MYT1L: variants seen among roughly 807,000 people sequenced by gnomAD.
MYT1L encodes the protein myelin transcription factor 1-like protein.
A neutral mutation model predicts 126.7 loss-of-function variants in MYT1L; 12 were observed. The observed-to-expected ratio is 0.09, with a 90% CI of 0.06 to 0.15. The LOEUF is 0.15. Ranked by LOEUF, MYT1L falls within the 10% of genes least tolerant of loss-of-function variation. The probability of loss-of-function intolerance (pLI) is 1.00; values close to 1 mark genes in which losing one functional copy is unlikely to be tolerated. For missense variants in MYT1L, 979 were observed against 1,585.2 expected, an observed-to-expected ratio of 0.62 and a Z score of 6.49; for synonymous variants, 541 against 604.2, an observed-to-expected ratio of 0.90 and a Z score of 1.53.
At chr2:2,285,821 G>A (rs1181987844) in intron 1 of MYT1L, among the ~76,000 whole-genome samples, 3 of 152,184 alleles carry the variant, frequency 2.0e-5, no homozygotes, top group African/African-American at 7.2e-5. Flanking sequence ...ATTGGCTCAA[G>A]ATGCTGCCTA....
intron 5 of MYT1L, among the ~76,000 whole-genome samples, chr2:1,981,986 C>T (rs1307906284): frequency 6.6e-6 from 1 of 152,204 alleles, no homozygotes; most frequent in African/African-American, 2.4e-5. Flanking sequence ...CTGCCCTTTC[C>T]TGTGATTTAA....
intron 5 of MYT1L, among the ~76,000 whole-genome samples, chr2:1,994,252 C>T (rs1236579255): frequency 4.6e-5 from 7 of 152,214 alleles, no homozygotes. Flanking sequence ...TCACCAGGCT[C>T]AGCCCTGGTT....
Position 2,257,224 on chromosome 2 carries a change from C to G in MYT1L, c.-421+27180G>C, listed in dbSNP as rs2094839411. ...ATTAGTAGGACCCTCTGGATACCTC[C>G]TGTGGAGTGAAAATTAATTCAGGTG... is the stretch of plus-strand genomic sequence containing the variant. On this transcript the variant is annotated intron_variant, in intron 2 of 24. Coordinates refer to ENST00000647738, the MANE Select transcript of MYT1L (RefSeq NM_001303052.2). 2.6e-5 allele frequency among the ~76,000 whole-genome samples: 4 copies of G among 152,148 alleles called. No homozygotes were observed. In the South Asian group the frequency reaches 8.3e-4, roughly 32 times the overall value.
chr2:2,091,745 G>A, intron 3 of MYT1L, among the ~76,000 whole-genome samples: 1 of 152,152 alleles, frequency 6.6e-6, no homozygotes, highest in East Asian at 1.9e-4. Flanking sequence ...ATCTTACCTG[G>A]ATCTTCTGGA....
chr2:2,215,506 G>A (rs546604238), intron 2 of MYT1L, among the ~76,000 whole-genome samples: 1 of 152,296 alleles, frequency 6.6e-6, no homozygotes, highest in East Asian at 1.9e-4. Context: ...AAATATGCAT[G>A]TAATAACTGA....
intron 8 of MYT1L, among the ~76,000 whole-genome samples, chr2:1,949,019 C>CA (rs1363678990): frequency 6.6e-6 from 1 of 152,220 alleles, no homozygotes; most frequent in African/African-American, 2.4e-5. Context: ...GTTGAAACTT[C>CA]AAAGAAGTCG....
At chr2:2,183,675 A>G (rs990326659) in intron 2 of MYT1L, among the ~76,000 whole-genome samples, 3 of 152,058 alleles carry the variant, frequency 2.0e-5, no homozygotes, top group Admixed American at 2.0e-4. Flanking sequence ...ACAATTCAGA[A>G]TCCCACATGT....
chr2:2,173,348 A>G (rs2090318992), intron 2 of MYT1L, among the ~76,000 whole-genome samples: 1 of 152,222 alleles, frequency 6.6e-6, no homozygotes, highest in South Asian at 2.1e-4. Flanking sequence ...ATGTAATTAG[A>G]AAACAATTTA....
At chr2:2,028,992 G>A (rs908301362) in intron 4 of MYT1L, among the ~76,000 whole-genome samples, 9 of 152,244 alleles carry the variant, frequency 5.9e-5, no homozygotes, top group African/African-American at 2.2e-4. Flanking sequence ...CTCGGTATCC[G>A]TACTATAAAT....
chr2:1,942,617 C>G (rs536818070), intron 9 of MYT1L, among the ~76,000 whole-genome samples: 9 of 152,224 alleles, frequency 5.9e-5, no homozygotes, highest in Non-Finnish European at 1.0e-4. Flanking sequence ...TGCCCTTTGC[C>G]CAATCATTGT....
At chr2:1,991,048 C>G (rs185572272) in intron 5 of MYT1L, among the ~76,000 whole-genome samples, 5 of 152,340 alleles carry the variant, frequency 3.3e-5, no homozygotes, top group Non-Finnish European at 7.3e-5. Context: ...CCCTCTCAGG[C>G]AGCAAGCTTG....
At chr2:2,214,781 A>C (rs1042672427) in intron 2 of MYT1L, among the ~76,000 whole-genome samples, 1 of 152,218 alleles carries the variant, frequency 6.6e-6, no homozygotes, top group African/African-American at 2.4e-5. Flanking sequence ...GGTAACAAAG[A>C]ATATCAGAGG....
intron 5 of MYT1L, among the ~76,000 whole-genome samples, chr2:1,984,908 A>G (rs2060896505): frequency 6.6e-6 from 1 of 152,170 alleles, no homozygotes; most frequent in African/African-American, 2.4e-5. Flanking sequence ...ACATTAGGCC[A>G]TAACTGTGAA....
intron 4 of MYT1L, among the ~76,000 whole-genome samples, chr2:2,012,259 T>C (rs1427886192): frequency 6.6e-6 from 1 of 152,232 alleles, no homozygotes; most frequent in African/African-American, 2.4e-5. Flanking sequence ...TATGAATTCA[T>C]AGATAATGAA....
chr2:1,924,763 C>T (rs896883023), intron 9 of MYT1L, among the ~76,000 whole-genome samples: 2 of 152,164 alleles, frequency 1.3e-5, no homozygotes, highest in Non-Finnish European at 2.9e-5. Context: ...TATAAATCAT[C>T]TTCTTTATTA....
At chr2:2,018,568 G>A (rs568736012) in intron 4 of MYT1L, among the ~76,000 whole-genome samples, 4 of 152,306 alleles carry the variant, frequency 2.6e-5, no homozygotes, top group South Asian at 2.1e-4. Flanking sequence ...CGGCCAGGCC[G>A]CTCATCGGAT....
intron 1 of MYT1L, among the ~76,000 whole-genome samples, chr2:2,300,770 T>G (rs1559602686): frequency 6.6e-6 from 1 of 152,322 alleles, no homozygotes; most frequent in East Asian, 1.9e-4. Context: ...TGTGCAAGCT[T>G]TCTTTGATTC....
At chr2:1,864,832 C>T (rs936011065) in intron 18 of MYT1L, among the ~76,000 whole-genome samples, 5 of 152,210 alleles carry the variant, frequency 3.3e-5, no homozygotes, top group Non-Finnish European at 5.9e-5. Flanking sequence ...GAGCCAGCCA[C>T]ATGCCAGGCT....
chr2:1,916,829 G>A (rs2052910708), intron 11 of MYT1L, among the ~76,000 whole-genome samples: 1 of 152,198 alleles, frequency 6.6e-6, no homozygotes, highest in Non-Finnish European at 1.5e-5. Flanking sequence ...TCTCTCCTCT[G>A]GGATTCCTGG....
Sources: allele counts gnomAD v4.1 joint callset (sites outside exome capture counted in the v4.1 genomes callset), GRCh38; gene constraint gnomAD v4.1.1; transcripts MANE v1.5; gene names NCBI Gene and HGNC (gene_info 2026-07-23, HGNC 2026-07-21).